ARAP2: variants seen among roughly 807,000 people sequenced by gnomAD.
ARAP2 encodes arf-GAP with Rho-GAP domain, ANK repeat and PH domain-containing protein 2.
A neutral mutation model predicts 194.5 loss-of-function variants in ARAP2; 148 were observed. That is an observed-to-expected ratio of 0.76 (90% CI 0.67 to 0.87). The LOEUF (loss-of-function observed/expected upper bound fraction) is 0.87, where lower values mean the gene tolerates loss of function less well. Ranked by LOEUF, ARAP2 falls within the 40% of genes least tolerant of loss-of-function variation. The pLI is 0.00. For missense variants in ARAP2, 2,128 were observed against 1,989.7 expected (o/e 1.07, Z -1.32); for synonymous variants, 695 against 683.5 (o/e 1.02, Z -0.26).
intron 15 of ARAP2, among the ~76,000 whole-genome samples, chr4:36,155,215 A>T (rs1731966938): frequency 6.6e-6 from 1 of 152,214 alleles, no homozygotes; most frequent in Admixed American, 6.5e-5. Context: ...AATCCTTGAC[A>T]AGCTAGAAAA....
At position 36,191,376 on chromosome 4, in the gene ARAP2, C is replaced by A. The variant is rs1345792501; in HGVS notation, c.1557+2202G>T. Among the ~76,000 whole-genome samples the A allele has an allele frequency of 2.0e-5, 3 of 151,998 alleles. No individual in the cohort carries two copies. The East Asian group carries it at 5.8e-4, about 29-fold the overall frequency. ...TAAAAAATAACCTACACACCTATAA[C>A]AAGGATATAGTTAACAAGTAAATAT... is the stretch of plus-strand genomic sequence containing the variant. On this transcript the variant is annotated intron_variant, in intron 7 of 32. Transcript: ENST00000303965.
chr4:36,037,302 C>T (rs1185102287), intron 5 of ARAP2, among the ~76,000 whole-genome samples: 5 of 152,118 alleles, frequency 3.3e-5, no homozygotes, highest in East Asian at 3.9e-4. Flanking sequence ...TTACCTTATT[C>T]ATTTCACCAC....
chr4:36,233,484 C>T (rs1364018512), intron 1 of ARAP2, among the ~76,000 whole-genome samples: 1 of 152,186 alleles, frequency 6.6e-6, no homozygotes, highest in Non-Finnish European at 1.5e-5. Context: ...CCCAAACATG[C>T]TTTATACCAG....
At chr4:36,157,792 A>T (rs1175156677) in intron 15 of ARAP2, among the ~76,000 whole-genome samples, 1 of 151,398 alleles carries the variant, frequency 6.6e-6, no homozygotes, top group Non-Finnish European at 1.5e-5. Context: ...CTGCTTTAGG[A>T]TATATTATAT....
In ARAP2 at chr4:36,214,355, G is replaced by C; in HGVS notation, c.964+67C>G. On this transcript the variant is annotated intron_variant, in intron 3 of 32. Transcript: ENST00000303965. ...ACAGGTGGGCTGCCTTCGCAATCATGATTTTAACACAGTTAAGACTATCAA... is the reference window on the plus strand; with the variant it reads ...ACAGGTGGGCTGCCTTCGCAATCATCATTTTAACACAGTTAAGACTATCAA... 3.7e-6 allele frequency: 5 copies of C among 1,357,286 alleles called. No individual in the cohort carries two copies. In the South Asian group the frequency reaches 5.8e-5, roughly 16 times the overall value. 84.1% of individuals were successfully genotyped at this position (1,357,286 alleles called of 1,614,324 possible).
At chr4:36,196,993 G>C (rs1743253536) in intron 6 of ARAP2, among the ~76,000 whole-genome samples, 1 of 151,504 alleles carries the variant, frequency 6.6e-6, no homozygotes, top group African/African-American at 2.4e-5. Flanking sequence ...AGGTCTCTTT[G>C]TTCTCTTGCT....
At chr4:36,050,025 G>A (rs1285006382) in intron 3 of ARAP2, among the ~76,000 whole-genome samples, 1 of 152,082 alleles carries the variant, frequency 6.6e-6, no homozygotes, top group African/African-American at 2.4e-5. Context: ...TGTTTAGTGT[G>A]GACTTTATGA....
In ARAP2 at chr4:36,010,569, G is replaced by T. The variant is rs1439021823; in HGVS notation, n.1325+1994C>A. Among the ~76,000 whole-genome samples the T allele has an allele frequency of 2.6e-5, 4 of 152,056 alleles. No homozygotes were observed. The South Asian group carries it at 6.2e-4, about 24-fold the overall frequency. On this transcript the variant is annotated intron_variant and non_coding_transcript_variant, in intron 9 of 12. Coordinates refer to the ARAP2 transcript ENST00000503225. ...AGCCTCTTAGGCACTGGATACATTT[G>T]TGCTTATCAAAGACAACAATTCTCT... is the stretch of plus-strand genomic sequence containing the variant.
At chr4:36,120,264 A>G (rs913783949) in intron 23 of ARAP2, among the ~76,000 whole-genome samples, 1 of 151,402 alleles carries the variant, frequency 6.6e-6, no homozygotes, top group Non-Finnish European at 1.5e-5. Flanking sequence ...AGAAAGAAGT[A>G]AAGAGGAGAT....
intron 5 of ARAP2, among the ~76,000 whole-genome samples, chr4:36,036,370 G>T (rs534551277): frequency 6.6e-6 from 1 of 152,032 alleles, no homozygotes; most frequent in East Asian, 1.9e-4. Context: ...TTGCTGTCTT[G>T]CAATATTTTC....
At position 36,124,867 on chromosome 4, in the gene ARAP2, C is replaced by A. The variant is rs373727709; in HGVS notation, c.3741G>T (p.Leu1247=). Residue 1247 remains leucine, a synonymous_variant, in exon 22 of 33, where the codon CTG becomes CTT. Transcript: ENST00000303965. ...RATLAAIIEH[L]YRVQKCSEIN... is the part of the protein sequence containing the mutation. The stretch of plus-strand genomic sequence containing the variant: ...AAGTTCATTCATCTACCCACCTATA[C>A]AGGTGTTCAATGATAGCTGCTAGTG... 64 of 1,599,660 alleles carry A rather than the reference C, an allele frequency of 4.0e-5. No individual in the cohort carries two copies. The highest frequency in any genetic ancestry group is 2.4e-4 in the Admixed American group (14 of 59,440).
At chr4:36,054,776 T>C (rs1267964506) in intron 2 of ARAP2, among the ~76,000 whole-genome samples, 2 of 152,218 alleles carry the variant, frequency 1.3e-5, no homozygotes, top group African/African-American at 4.8e-5. Flanking sequence ...GGAAATACTT[T>C]TCACTAAGTG....
intron 27 of ARAP2, among the ~76,000 whole-genome samples, chr4:36,106,294 T>C (rs751400814): frequency 3.9e-5 from 6 of 151,906 alleles, no homozygotes; most frequent in Non-Finnish European, 8.8e-5. Context: ...GTCAGAATCA[T>C]ATGTAAGAGC....
At chr4:36,084,991 C>A (rs1431506378) in intron 28 of ARAP2, among the ~76,000 whole-genome samples, 2 of 151,956 alleles carry the variant, frequency 1.3e-5, no homozygotes, top group Non-Finnish European at 2.9e-5. Context: ...CATTTATTTA[C>A]CCTATCAAAA....
intron 27 of ARAP2, 132 bp downstream of exon 27, chr4:36,107,433 T>C (rs1718700264): frequency 4.7e-6 from 4 of 856,022 alleles, no homozygotes; most frequent in African/African-American, 1.8e-5. Flanking sequence ...TTCTTATATA[T>C]GTACTATCTC....
chr4:36,114,232 T>A lies in ARAP2; in HGVS notation c.4094A>T (p.Asn1365Ile). The A allele has an allele frequency of 1.2e-6, 2 of 1,602,604 alleles. No individual in the cohort carries two copies. The highest frequency in any genetic ancestry group is 8.5e-7 in the Non-Finnish European group (1 of 1,171,022). Residue 1365 changes from asparagine to isoleucine, a missense_variant, in exon 26 of 33, where the codon AAT becomes ATT. Transcript: ENST00000303965. ...ELTNDILAIKNIIPTKGDIWA... is the reference protein window; with the variant it reads ...ELTNDILAIKIIIPTKGDIWA... ...AATATCACCTTTTGTAGGAATAATATTTTTTATCGCTAATATATCATTAGT... is the reference window on the plus strand; with the variant it reads ...AATATCACCTTTTGTAGGAATAATAATTTTTATCGCTAATATATCATTAGT...
chr4:36,133,144 G>C, intron 20 of ARAP2, 82 bp downstream of exon 20: 1 of 1,411,670 alleles, frequency 7.1e-7, no homozygotes, highest in Non-Finnish European at 9.8e-7. Flanking sequence ...TTTTAACTCA[G>C]TCCAATAGAG....
chr4:36,159,451 A>G lies in ARAP2; in HGVS notation c.2497T>C (p.Phe833Leu). The G allele has an allele frequency of 6.3e-7, 1 of 1,599,790 alleles. No individual in the cohort carries two copies. The highest frequency in any genetic ancestry group is 8.5e-7 in the Non-Finnish European group (1 of 1,170,934). ...PDVLETMALL[F>L]SGADVMCATG... is the part of the protein sequence containing the mutation. The stretch of plus-strand genomic sequence containing the variant: ...GCACACATGACATCTGCTCCACTGA[A>G]CAGCAAAGCCATTGTTTCTAGAACA... The change falls in exon 14 of 33, where the codon TTC (phenylalanine) becomes CTC (leucine). Residue 833 changes from phenylalanine to leucine, a missense_variant. Coordinates refer to ENST00000303965, the MANE Select transcript of ARAP2 (RefSeq NM_015230.4).
chr4:36,059,398 G>C (rs532512122), intron 1 of ARAP2, among the ~76,000 whole-genome samples: 1 of 152,140 alleles, frequency 6.6e-6, no homozygotes. Flanking sequence ...GGCCTCTTGA[G>C]CTAGACCTCC....
Sources: gnomAD v4.1 joint callset for allele counts (sites outside exome capture counted in the v4.1 genomes callset) on GRCh38, gnomAD v4.1.1 for gene constraint, MANE v1.5 for transcripts, NCBI Gene and HGNC (gene_info 2026-07-23, HGNC 2026-07-21) for gene names.